INTS4: variants seen among roughly 807,000 people sequenced by gnomAD.
INTS4 encodes MSTP093.
INTS4 carries 70 observed loss-of-function variants against 119.5 expected under a neutral mutation model. That is an observed-to-expected ratio of 0.59 (90% CI 0.48 to 0.71). The LOEUF is 0.71. Ranked by LOEUF, INTS4 falls within the 30% of genes least tolerant of loss-of-function variation. The pLI is 0.00. For synonymous variants in INTS4, 316 were observed against 419.6 expected, an observed-to-expected ratio of 0.75 and a Z score of 3.02; for missense variants, 867 against 1,173.2, an observed-to-expected ratio of 0.74 and a Z score of 3.81.
intron 2 of INTS4, among the ~76,000 whole-genome samples, chr11:77,989,557 G>T (rs563277470): frequency 6.6e-6 from 1 of 152,222 alleles, no homozygotes; most frequent in African/African-American, 2.4e-5. Context: ...TGGATATTTG[G>T]TAGGTCACTA....
chr11:77,933,556 C>T (rs1015462435), intron 10 of INTS4, among the ~76,000 whole-genome samples: 1 of 152,156 alleles, frequency 6.6e-6, no homozygotes, highest in African/African-American at 2.4e-5. Context: ...AGTGCAGTGG[C>T]GTGATCTCGG....
chr11:77,992,172 C>T (rs12417494), intron 1 of INTS4, among the ~76,000 whole-genome samples: 42,994 of 151,650 alleles, frequency 0.28, 6,430 homozygotes, highest in African/African-American at 0.39. Context: ...CTTAGGCAGG[C>T]GGATCACTTG....
intron 10 of INTS4, among the ~76,000 whole-genome samples, chr11:77,929,835 G>A (rs1476083348): frequency 6.6e-6 from 1 of 152,096 alleles, no homozygotes; most frequent in Non-Finnish European, 1.5e-5. Context: ...GAGTTGTTAG[G>A]ACTAAATGAG....
intron 4 of INTS4, among the ~76,000 whole-genome samples, chr11:77,971,655 A>G (rs1855740596): frequency 6.6e-6 from 1 of 152,158 alleles, no homozygotes; most frequent in Admixed American, 6.6e-5. Context: ...AAAAACAAAA[A>G]AAACAAAAAT....
intron 2 of INTS4, among the ~76,000 whole-genome samples, chr11:77,989,701 G>A (rs1238123265): frequency 4.1e-5 from 6 of 147,144 alleles, no homozygotes; most frequent in African/African-American, 1.5e-4. Context: ...ATCAGCCTGT[G>A]CAACATAGCA....
intron 1 of INTS4, among the ~76,000 whole-genome samples, chr11:77,993,930 A>T (rs924522192): frequency 6.6e-6 from 1 of 152,156 alleles, no homozygotes; most frequent in African/African-American, 2.4e-5. Flanking sequence ...GATCAACCCT[A>T]GCAACATCTA....
At chr11:77,912,079 C>T (rs182074010) in intron 15 of INTS4, among the ~76,000 whole-genome samples, 3,711 of 151,926 alleles carry the variant, frequency 0.024, 142 homozygotes, top group African/African-American at 0.084. Context: ...AAACTAGATA[C>T]GGCTAGGCGC....
intron 3 of INTS4, among the ~76,000 whole-genome samples, 195 bp from the exon 4 acceptor site, chr11:77,979,297 T>C (rs1856094215): frequency 6.6e-6 from 1 of 151,800 alleles, no homozygotes; most frequent in Admixed American, 6.6e-5. Flanking sequence ...ATAGGGAGAC[T>C]CCGTTTCTAC....
chr11:77,985,573 C>T (rs1458175225), intron 2 of INTS4, among the ~76,000 whole-genome samples: 1 of 152,152 alleles, frequency 6.6e-6, no homozygotes, highest in Non-Finnish European at 1.5e-5. Context: ...TAACCTACCC[C>T]AGATTTCATA....
intron 8 of INTS4, among the ~76,000 whole-genome samples, chr11:77,945,511 T>C (rs1218402514): frequency 6.6e-6 from 1 of 152,022 alleles, no homozygotes; most frequent in Non-Finnish European, 1.5e-5. Context: ...CCCATCCACA[T>C]AGAGTCTAGG....
At chr11:77,933,244 TCTCTCC>T (rs1461296203) in intron 10 of INTS4, among the ~76,000 whole-genome samples, 2 of 149,836 alleles carry the variant, frequency 1.3e-5, no homozygotes. Context: ...CCTCTCCCTC[TCTCTCC>T]ACGGTCTCCC....
chr11:77,899,375 C>A (rs1482050261), intron 18 of INTS4, among the ~76,000 whole-genome samples: 1 of 151,726 alleles, frequency 6.6e-6, no homozygotes. Context: ...GGAATGCATA[C>A]AAATGAAAAA....
intron 1 of INTS4, among the ~76,000 whole-genome samples, chr11:77,993,808 T>C (rs1423015419): frequency 6.6e-6 from 1 of 152,074 alleles, no homozygotes; most frequent in Non-Finnish European, 1.5e-5. Context: ...ATGCAGAATC[T>C]TGCCTCACCT....
At chr11:77,975,781 C>G (rs1408025285) in intron 4 of INTS4, among the ~76,000 whole-genome samples, 2 of 151,964 alleles carry the variant, frequency 1.3e-5, no homozygotes, top group Non-Finnish European at 2.9e-5. Flanking sequence ...CATGGTGAAA[C>G]CCCGTCTCTA....
chr11:77,887,743 T>A (rs1003871705), intron 21 of INTS4, among the ~76,000 whole-genome samples: 1 of 152,150 alleles, frequency 6.6e-6, no homozygotes, highest in African/African-American at 2.4e-5. Flanking sequence ...ACAAAATCAA[T>A]GTGCAAAAAT....
intron 8 of INTS4, among the ~76,000 whole-genome samples, chr11:77,951,635 A>G (rs931411798): frequency 6.6e-6 from 1 of 152,252 alleles, no homozygotes; most frequent in Non-Finnish European, 1.5e-5. Context: ...ACCAAAAGCA[A>G]TGGTAACAAA....
At chr11:77,926,630 A>T (rs1390668128) in intron 11 of INTS4, among the ~76,000 whole-genome samples, 1 of 151,934 alleles carries the variant, frequency 6.6e-6, no homozygotes, top group Non-Finnish European at 1.5e-5. Context: ...AATATGGTGA[A>T]ACACGATCTC....
rs768724547 is a variant in INTS4, at chr11:77,960,333, T to C, written c.708+8A>G. On this transcript the variant is annotated splice_region_variant and intron_variant, in intron 6 of 22. Coordinates refer to ENST00000534064, the MANE Select transcript of INTS4 (RefSeq NM_033547.4). ...CAACCCCTTCCAGACAGTAATCATA[T>C]AAGGTACCTGATTATAAATTGTTTG... 3 of 1,592,374 alleles carry C rather than the reference T, an allele frequency of 1.9e-6. No homozygotes were observed. The South Asian group carries it at 3.3e-5, about 18-fold the overall frequency.
intron 5 of INTS4, 103 bp from the exon 6 acceptor site, chr11:77,960,494 A>G: frequency 3.4e-6 from 3 of 878,326 alleles, no homozygotes; most frequent in Non-Finnish European, 5.4e-6. Flanking sequence ...TCAGGCTAAC[A>G]TGGTTCCTTT....
Sources: allele counts gnomAD v4.1 joint callset (sites outside exome capture counted in the v4.1 genomes callset), GRCh38; gene constraint gnomAD v4.1.1; transcripts MANE v1.5; gene names NCBI Gene and HGNC (gene_info 2026-07-23, HGNC 2026-07-21).